Variants in AFTPH observed in about 807,000 individuals in gnomAD.
The protein encoded by AFTPH is aftiphilin.
AFTPH carries 7 observed loss-of-function variants against 72.5 expected under a neutral mutation model. The ratio of observed to expected loss-of-function variants is 0.10; its 90% CI spans 0.05 to 0.18. AFTPH has a LOEUF of 0.18. Among genes scored for constraint, AFTPH ranks in the 10% least tolerant of loss-of-function variants. The probability of loss-of-function intolerance (pLI) is 1.00; values close to 1 mark genes in which losing one functional copy is unlikely to be tolerated. For missense variants in AFTPH, 979 were observed against 1,060.5 expected, an observed-to-expected ratio of 0.92 and a Z score of 1.07; for synonymous variants, 337 against 370.1, an observed-to-expected ratio of 0.91 and a Z score of 1.03.
exon 9 of AFTPH, chr2:64,592,013 C>T: frequency 1.2e-6 from 2 of 1,613,204 alleles, no homozygotes; most frequent in Non-Finnish European, 1.7e-6. Context: ...TCCACAAGCT[C>T]TCAAGAAAAA....
rs566755507 is a variant in AFTPH, at chr2:64,575,661, G to T, written c.2394+2593G>T. ...ACATCTGAAGTACATTTTCTAAAGA[G>T]TCTCTTTACAGAAAATTTTATATAT... On this transcript the variant is annotated intron_variant, in intron 6 of 8. Transcript: ENST00000238856. 1.3e-4 allele frequency among the ~76,000 whole-genome samples: 19 copies of T among 151,844 alleles called. No homozygotes were observed. In the South Asian group the frequency reaches 3.7e-3, roughly 30 times the overall value.
chr2:64,592,889 AAGAG>A (rs1004088123), exon 9 of AFTPH: 2 of 152,670 alleles, frequency 1.3e-5, no homozygotes, highest in African/African-American at 4.8e-5. Flanking sequence ...CTATGGAAAA[AAGAG>A]AGACATGTAG....
exon 4 of AFTPH, chr2:64,569,134 T>G (rs1672268398): frequency 6.2e-7 from 1 of 1,614,116 alleles, no homozygotes; most frequent in Non-Finnish European, 8.5e-7. Context: ...ATATCCATGA[T>G]GCACATGGCT....
At chr2:64,578,966 C>A (rs1243696546) in intron 6 of AFTPH, 1 of 152,574 alleles carries the variant, frequency 6.6e-6, no homozygotes, top group African/African-American at 2.4e-5. Context: ...ACAAGGATGA[C>A]ACCCACAATT....
chr2:64,566,582 TAATAAC>T (rs1438313814), intron 2 of AFTPH, among the ~76,000 whole-genome samples: 1 of 152,210 alleles, frequency 6.6e-6, no homozygotes, highest in African/African-American at 2.4e-5. Context: ...GGCTTTAACT[TAATAAC>T]AATTTGTATT....
At chr2:64,579,403 T>G in intron 6 of AFTPH, 83 bp from the exon 7 acceptor site, 1 of 1,086,922 alleles carries the variant, frequency 9.2e-7, no homozygotes, top group Non-Finnish European at 1.4e-6. Flanking sequence ...CTAATGGTCT[T>G]GCTATAATTT....
At chr2:64,536,731 T>G (rs1669911934) in intron 1 of AFTPH, among the ~76,000 whole-genome samples, 1 of 151,382 alleles carries the variant, frequency 6.6e-6, no homozygotes, top group Non-Finnish European at 1.5e-5. Flanking sequence ...GGTAAGTCAA[T>G]TGCTTGAGCT....
intron 7 of AFTPH, among the ~76,000 whole-genome samples, chr2:64,581,744 G>C (rs1376495961): frequency 6.6e-6 from 1 of 152,150 alleles, no homozygotes; most frequent in Admixed American, 6.5e-5. Flanking sequence ...TATTAGTGCT[G>C]CTAAATATAT....
At chr2:64,554,573 A>G (rs1671245217) in intron 2 of AFTPH, among the ~76,000 whole-genome samples, 1 of 152,228 alleles carries the variant, frequency 6.6e-6, no homozygotes, top group African/African-American at 2.4e-5. Context: ...TAACTTTGAG[A>G]CAGTAAGATA....
intron 7 of AFTPH, 67 bp from the exon 8 acceptor site, chr2:64,581,123 C>A: frequency 8.8e-7 from 1 of 1,140,024 alleles, no homozygotes; most frequent in Non-Finnish European, 1.3e-6. Flanking sequence ...CCTTTTTACA[C>A]ATAACCCCTC....
exon 1 of AFTPH, chr2:64,524,350 G>A (rs1158178715): frequency 1.2e-5 from 5 of 401,242 alleles, no homozygotes; most frequent in Non-Finnish European, 4.4e-6. Context: ...GAGAGTGTGT[G>A]GAGTGGGCGG....
chr2:64,560,316 C>T (rs371263103), intron 2 of AFTPH, among the ~76,000 whole-genome samples: 178 of 151,986 alleles, frequency 1.2e-3, no homozygotes, highest in African/African-American at 4.0e-3. Context: ...TGAAGCTTTG[C>T]CCCACTGATG....
chr2:64,567,667 A>G, exon 3 of AFTPH: 1 of 1,613,834 alleles, frequency 6.2e-7, no homozygotes, highest in Non-Finnish European at 8.5e-7. Context: ...CTTGCTGGAA[A>G]CAAGCACTTT....
chr2:64,536,620 A>T (rs1241657099), intron 1 of AFTPH, among the ~76,000 whole-genome samples: 1 of 150,980 alleles, frequency 6.6e-6, no homozygotes, highest in East Asian at 1.9e-4. Flanking sequence ...AATCAGATTC[A>T]TTGAAGGATA....
chr2:64,555,167 T>G (rs1671277684), intron 2 of AFTPH, among the ~76,000 whole-genome samples: 1 of 152,154 alleles, frequency 6.6e-6, no homozygotes, highest in African/African-American at 2.4e-5. Flanking sequence ...AAAAGGAAAT[T>G]TTAAAATGAG....
At chr2:64,573,035 A>C in exon 6 of AFTPH, 1 of 1,614,170 alleles carries the variant, frequency 6.2e-7, no homozygotes. Context: ...CCATGTCACC[A>C]GATATGAACA....
intron 2 of AFTPH, among the ~76,000 whole-genome samples, chr2:64,566,022 C>T (rs140000117): frequency 2.1e-4 from 32 of 152,246 alleles, no homozygotes; most frequent in African/African-American, 7.7e-4. Context: ...AAAGAGGATA[C>T]AAGAAAGATT....
chr2:64,551,788 ATGT>A, exon 2 of AFTPH: 1 of 1,613,656 alleles, frequency 6.2e-7, no homozygotes, highest in Non-Finnish European at 8.5e-7. Context: ...GGACAGTCTG[ATGT>A]TTTACTTTCT....
chr2:64,547,412 T>C lies in AFTPH; in HGVS notation c.-32-4031T>C, dbSNP rs1018826963. On this transcript the variant is annotated intron_variant, in intron 1 of 8. Transcript: ENST00000238856. ...TCCCAGAAGTGATCCTGTATTCTCA[T>C]TGCATCTCATCAGGTGGTGCATGAT... Among the ~76,000 whole-genome samples the C allele has an allele frequency of 2.6e-4, 39 of 152,330 alleles. 1 individual carries two copies. The highest frequency in any genetic ancestry group is 3.4e-3 in the Middle Eastern group (1 of 292).
Sources: allele counts gnomAD v4.1 joint callset (sites outside exome capture counted in the v4.1 genomes callset), GRCh38; gene constraint gnomAD v4.1.1; transcripts MANE v1.5; gene names NCBI Gene and HGNC (gene_info 2026-07-23, HGNC 2026-07-21).